ISM1: variants seen among roughly 807,000 people sequenced by gnomAD.
ISM1 encodes isthmin-1.
A neutral mutation model predicts 46.3 loss-of-function variants in ISM1; 25 were observed. The ratio of observed to expected loss-of-function variants is 0.54; its 90% confidence interval spans 0.39 to 0.75. The LOEUF (loss-of-function observed/expected upper bound fraction) is 0.75, where lower values mean the gene tolerates loss of function less well. Ranked by LOEUF, ISM1 falls within the 30% of genes least tolerant of loss-of-function variation. The pLI is 0.00. For synonymous variants in ISM1, 255 were observed against 256.7 expected (o/e 0.99, Z 0.06); for missense variants, 536 against 625.4 (o/e 0.86, Z 1.52).
At chr20:13,302,982 G>A (rs1458307095), downstream of ISM1, among the ~76,000 whole-genome samples, 1 of 152,142 alleles carries the variant, frequency 6.6e-6, no homozygotes, top group African/African-American at 2.4e-5. Flanking sequence ...TAACGCCGGG[G>A]ATTAAAGAAC....
rs2040379134 is a variant in ISM1, at chr20:13,293,793, G to A, written c.877+1330G>A. 8.5e-5 allele frequency among the ~76,000 whole-genome samples: 13 copies of A among 152,136 alleles called. No individual in the cohort carries two copies. In the South Asian group the frequency reaches 2.7e-3, roughly 32 times the overall value. ...GTTTGAGACCAGCCTGGCCAACATG[G>A]GGAAACCCCATCTCTACTGAAAATA... On this transcript the variant is annotated intron_variant, in intron 5 of 5. Transcript: ENST00000262487.
At chr20:13,259,031 C>A (rs984860309) in intron 1 of ISM1, among the ~76,000 whole-genome samples, 1 of 152,090 alleles carries the variant, frequency 6.6e-6, no homozygotes, top group Non-Finnish European at 1.5e-5. Context: ...GCCTGTAATC[C>A]CAACACTTTG....
the ISM1 span, among the ~76,000 whole-genome samples, chr20:13,319,809 T>A: frequency 6.6e-6 from 1 of 152,208 alleles, no homozygotes; most frequent in Admixed American, 6.5e-5. Context: ...TCCCTGGGCC[T>A]GCAGCAGCAT....
the ISM1 span, among the ~76,000 whole-genome samples, chr20:13,313,101 C>T: frequency 6.6e-6 from 1 of 152,140 alleles, no homozygotes; most frequent in South Asian, 2.1e-4. Flanking sequence ...CATCCCACCA[C>T]CTTAACCAAT....
chr20:13,227,452 C>G (rs1057212442), intron 1 of ISM1, among the ~76,000 whole-genome samples: 6 of 151,452 alleles, frequency 4.0e-5, no homozygotes, highest in Non-Finnish European at 8.8e-5. Context: ...ATCTGCCCGC[C>G]TCGACCTCCC....
chr20:13,270,744 G>A lies in ISM1; in HGVS notation c.378+1G>A. On this transcript the variant is annotated splice_donor_variant, in intron 2 of 5. Coordinates refer to ENST00000262487, the MANE Select transcript of ISM1 (RefSeq NM_080826.2). LOFTEE classifies it high-confidence loss of function. The stretch of plus-strand genomic sequence containing the variant: ...CAATGGGCAGAATCCAAATATCCAG[G>A]TAATTCTTGGCACCTGGAAGATGGG... 6.2e-7 allele frequency: 1 copy of A among 1,612,996 alleles called. No individual in the cohort carries two copies. The highest frequency in any genetic ancestry group is 1.1e-5 in the South Asian group (1 of 90,854).
intron 1 of ISM1, among the ~76,000 whole-genome samples, chr20:13,222,966 T>C (rs988433095): frequency 9.2e-5 from 14 of 152,120 alleles, no homozygotes; most frequent in African/African-American, 2.9e-4. Flanking sequence ...TGTTGGAGAC[T>C]ATCCTGGCCG....
intron 3 of ISM1, among the ~76,000 whole-genome samples, chr20:13,281,704 T>TG (rs2040239819): frequency 6.6e-6 from 1 of 152,098 alleles, no homozygotes; most frequent in Non-Finnish European, 1.5e-5. Context: ...GTGCTTAGGT[T>TG]GGAAGATAGG....
At chr20:13,316,181 T>C in the ISM1 span, among the ~76,000 whole-genome samples, 5 of 151,952 alleles carry the variant, frequency 3.3e-5, no homozygotes, top group East Asian at 7.7e-4. Context: ...TGCCCACAAA[T>C]TGATAACCTA....
chr20:13,316,829 T>C, the ISM1 span, among the ~76,000 whole-genome samples: 8 of 151,830 alleles, frequency 5.3e-5, no homozygotes, highest in African/African-American at 1.9e-4. Flanking sequence ...CGATAGTTAA[T>C]ACTTAGCGGT....
chr20:13,258,603 T>A (rs2039953197), intron 1 of ISM1, among the ~76,000 whole-genome samples: 1 of 152,058 alleles, frequency 6.6e-6, no homozygotes, highest in Non-Finnish European at 1.5e-5. Flanking sequence ...CATGACCACA[T>A]CCCAAAAGAA....
intron 1 of ISM1, among the ~76,000 whole-genome samples, chr20:13,236,195 T>C (rs1439120203): frequency 2.0e-5 from 3 of 152,212 alleles, no homozygotes; most frequent in African/African-American, 7.2e-5. Flanking sequence ...AGTGCTGGGA[T>C]TACAGTCGTG....
At position 13,288,681 on chromosome 20, in the gene ISM1, C is replaced by T. The variant is rs765813210; in HGVS notation, c.785C>T (p.Pro262Leu). The T allele has an allele frequency of 6.2e-7, 1 of 1,613,196 alleles. No individual in the cohort carries two copies. The highest frequency in any genetic ancestry group is 1.1e-5 in the South Asian group (1 of 91,044). Residue 262 changes from proline (P) to leucine (L), a missense_variant and splice_region_variant, in exon 4 of 6, where the codon CCA becomes CTA. By Grantham distance (98) the Pro-to-Leu change is moderately conservative. This residue lies in a region of ISM1 where 367 missense variants were observed against 376.1 expected (regional missense o/e 0.98). Transcript: ENST00000262487. ...ESRTCDRPNC[P>L]GIEDTFRTAA... The stretch of plus-strand genomic sequence containing the variant: ...AGGACCTGTGACCGTCCAAACTGCC[C>T]AGGTGCGTTTACCTGAGTGTGTAGC...
intron 1 of ISM1, among the ~76,000 whole-genome samples, chr20:13,249,812 TTTGTTTTGTTTTG>T (rs1568670302): frequency 2.0e-5 from 3 of 151,852 alleles, no homozygotes; most frequent in African/African-American, 7.3e-5. Flanking sequence ...TTTGTTTTGT[TTTGTTTTGTTTTG>T]TTTTGTTTTG....
downstream of ISM1, among the ~76,000 whole-genome samples, chr20:13,304,591 C>T (rs923150479): frequency 6.6e-6 from 1 of 152,150 alleles, no homozygotes; most frequent in Non-Finnish European, 1.5e-5. Flanking sequence ...TTTCCATCAT[C>T]GTGGAGCCCA....
At chr20:13,237,584 C>A (rs2039666289) in intron 1 of ISM1, among the ~76,000 whole-genome samples, 1 of 152,248 alleles carries the variant, frequency 6.6e-6, no homozygotes, top group African/African-American at 2.4e-5. Context: ...CCAAGGAGGG[C>A]AGCTAGGGTG....
At chr20:13,249,989 G>A (rs961642410) in intron 1 of ISM1, among the ~76,000 whole-genome samples, 2 of 152,168 alleles carry the variant, frequency 1.3e-5, no homozygotes, top group Non-Finnish European at 2.9e-5. Flanking sequence ...GGAGGCCCAA[G>A]AAAGTCTATA....
intron 5 of ISM1, among the ~76,000 whole-genome samples, chr20:13,297,439 G>A (rs2040417799): frequency 6.6e-6 from 1 of 152,134 alleles, no homozygotes; most frequent in African/African-American, 2.4e-5. Context: ...TCTGTTTCCT[G>A]AAATCACTTC....
intron 5 of ISM1, among the ~76,000 whole-genome samples, chr20:13,294,938 G>A (rs1368736732): frequency 6.6e-6 from 1 of 152,178 alleles, no homozygotes; most frequent in South Asian, 2.1e-4. Context: ...ATCCCAGGCT[G>A]TTTAGCATGC....
Sources: gnomAD v4.1 joint callset for allele counts (sites outside exome capture counted in the v4.1 genomes callset) on GRCh38, gnomAD v4.1.1 for gene constraint, gnomAD v4.1.1 regional missense constraint, MANE v1.5 for transcripts, NCBI Gene and HGNC (gene_info 2026-07-23, HGNC 2026-07-21) for gene names.